AK5: variants seen among roughly 807,000 people sequenced by gnomAD.
The protein encoded by AK5 is adenylate kinase isoenzyme 5.
A neutral mutation model predicts 69.5 loss-of-function variants in AK5; 27 were observed. The observed-to-expected ratio is 0.39, with a 90% CI of 0.29 to 0.54. The LOEUF is 0.54. Among genes scored for constraint, AK5 ranks in the 20% least tolerant of loss-of-function variants. The probability of loss-of-function intolerance (pLI) is 0.71; values close to 1 mark genes in which losing one functional copy is unlikely to be tolerated. For missense variants in AK5, 531 were observed against 700.4 expected (o/e 0.76, Z 2.73); for synonymous variants, 260 against 244.4 (o/e 1.06, Z -0.60).
In AK5 at chr1:77,320,476, C is replaced by T. The variant is rs763411200; in HGVS notation, c.700-19901C>T. ...TAAAAAGGTATAACCAAGCCAGGTG[C>T]GGTGGCTCATGCCTGTAATCTCACC... On this transcript the variant is annotated intron_variant, in intron 5 of 13. Coordinates refer to ENST00000354567, the MANE Select transcript of AK5 (RefSeq NM_174858.3). Among the ~76,000 whole-genome samples, 16 of 152,210 alleles carry T rather than the reference C, an allele frequency of 1.1e-4. No individual in the cohort carries two copies. The Middle Eastern group carries it at 0.01, about 97-fold the overall frequency.
chr1:77,282,522 G>A lies in AK5; in HGVS notation c.60+149G>A, dbSNP rs562577033. 758 of 1,376,064 alleles carry A rather than the reference G, an allele frequency of 5.5e-4. 1 individual carries two copies. Among genetic ancestry groups the A allele is most frequent in the Non-Finnish European group, 6.7e-4 (714 of 1,058,896 alleles). 85.2% of individuals were successfully genotyped at this position (1,376,064 alleles called of 1,614,324 possible). ...AGCGCACTCGCCCGCTCCCCCGAGG[G>A]TAGTCGCCTTTCCCGCGGGTTGCCA... On this transcript the variant is annotated intron_variant, in intron 1 of 13. Transcript: ENST00000354567.
chr1:77,529,730 C>G (rs1007492560), intron 12 of AK5, among the ~76,000 whole-genome samples: 1 of 152,084 alleles, frequency 6.6e-6, no homozygotes, highest in African/African-American at 2.4e-5. Context: ...AAATTAACCA[C>G]ATATTAACAG....
chr1:77,523,872 C>G (rs1438982908), intron 12 of AK5, among the ~76,000 whole-genome samples: 1 of 151,968 alleles, frequency 6.6e-6, no homozygotes, highest in Admixed American at 6.6e-5. Flanking sequence ...CACTCTGTTA[C>G]AAGGGCTGGA....
intron 6 of AK5, among the ~76,000 whole-genome samples, chr1:77,378,666 T>C (rs1209713507): frequency 1.3e-5 from 2 of 152,202 alleles, no homozygotes; most frequent in Non-Finnish European, 2.9e-5. Flanking sequence ...TAAAAATTCA[T>C]ATTAAAGCAA....
chr1:77,504,525 A>G (rs1438699130), intron 10 of AK5, among the ~76,000 whole-genome samples: 1 of 152,170 alleles, frequency 6.6e-6, no homozygotes, highest in Non-Finnish European at 1.5e-5. Flanking sequence ...CCTCATGGGC[A>G]TCTTTCCAAG....
chr1:77,376,228 G>C (rs975897987), intron 6 of AK5, among the ~76,000 whole-genome samples: 20 of 151,968 alleles, frequency 1.3e-4, no homozygotes, highest in Middle Eastern at 3.2e-3. Flanking sequence ...ACAGTAATTT[G>C]ATTTAAAGTC....
intron 5 of AK5, among the ~76,000 whole-genome samples, chr1:77,306,526 C>G (rs1659654776): frequency 8.3e-6 from 1 of 120,368 alleles, no homozygotes; most frequent in Non-Finnish European, 1.7e-5. Flanking sequence ...ATTTTTGCAT[C>G]AGTATTCATC....
intron 12 of AK5, among the ~76,000 whole-genome samples, chr1:77,535,019 G>A (rs1416175870): frequency 1.3e-5 from 2 of 152,076 alleles, no homozygotes; most frequent in African/African-American, 4.8e-5. Flanking sequence ...ACAGTTGGGG[G>A]CTGGTAGGGC....
chr1:77,510,771 A>C (rs1289198734), intron 10 of AK5, among the ~76,000 whole-genome samples: 1 of 152,044 alleles, frequency 6.6e-6, no homozygotes, highest in Non-Finnish European at 1.5e-5. Flanking sequence ...ATTATATTTC[A>C]GGCACTGTGT....
chr1:77,325,672 G>A (rs897366879), intron 5 of AK5, among the ~76,000 whole-genome samples: 10 of 151,402 alleles, frequency 6.6e-5, no homozygotes, highest in African/African-American at 2.4e-4. Flanking sequence ...CAATTCCACT[G>A]TATTGAAATA....
chr1:77,360,412 G>A (rs915992004), intron 6 of AK5, among the ~76,000 whole-genome samples: 1 of 152,178 alleles, frequency 6.6e-6, no homozygotes, highest in Non-Finnish European at 1.5e-5. Context: ...ACAGCTGGCA[G>A]GAAGTTTGTG....
At chr1:77,422,176 T>A (rs2803144) in intron 8 of AK5, among the ~76,000 whole-genome samples, 3,330 of 152,244 alleles carry the variant, frequency 0.022, 119 homozygotes, top group African/African-American at 0.076. Flanking sequence ...AGCTACTCAG[T>A]TCTCCTGTGC....
intron 8 of AK5, among the ~76,000 whole-genome samples, chr1:77,448,160 G>A (rs569992842): frequency 6.6e-6 from 1 of 152,286 alleles, no homozygotes; most frequent in African/African-American, 2.4e-5. Context: ...GTGGAAAGGG[G>A]CGGGTCCTGG....
At chr1:77,390,650 G>A (rs990595313) in intron 6 of AK5, among the ~76,000 whole-genome samples, 2 of 152,044 alleles carry the variant, frequency 1.3e-5, no homozygotes, top group African/African-American at 4.8e-5. Flanking sequence ...AAGTAGAAAG[G>A]ATTTTATTTC....
chr1:77,397,000 A>G (rs1490437336), intron 6 of AK5, among the ~76,000 whole-genome samples: 1 of 152,198 alleles, frequency 6.6e-6, no homozygotes, highest in African/African-American at 2.4e-5. Context: ...CCCACTCACT[A>G]CAGACACATG....
At chr1:77,470,856 TATATATATATATA>T (rs1160232010) in intron 8 of AK5, among the ~76,000 whole-genome samples, 498 of 20,394 alleles carry the variant, frequency 0.024, 72 homozygotes, top group African/African-American at 0.045. Context: ...TATATATATA[TATATATATATATA>T]TATATATTTT....
intron 12 of AK5, among the ~76,000 whole-genome samples, chr1:77,525,914 T>C (rs1425900037): frequency 6.6e-6 from 1 of 152,152 alleles, no homozygotes; most frequent in East Asian, 1.9e-4. Flanking sequence ...TTTTTGGTGA[T>C]TGTTTTGGCA....
chr1:77,340,161 G>A (rs568055054), intron 5 of AK5, among the ~76,000 whole-genome samples: 1 of 152,134 alleles, frequency 6.6e-6, no homozygotes, highest in Non-Finnish European at 1.5e-5. Flanking sequence ...TACTGCATAT[G>A]GCCACATGAG....
At chr1:77,467,926 C>T (rs942536513) in intron 8 of AK5, among the ~76,000 whole-genome samples, 2 of 152,198 alleles carry the variant, frequency 1.3e-5, no homozygotes, top group African/African-American at 4.8e-5. Context: ...ATAGCAGTAT[C>T]ATCATGTAAG....
Sources: allele counts gnomAD v4.1 joint callset (sites outside exome capture counted in the v4.1 genomes callset), GRCh38; gene constraint gnomAD v4.1.1; transcripts MANE v1.5; gene names NCBI Gene and HGNC (gene_info 2026-07-23, HGNC 2026-07-21).